The following ZNF184 variants were observed in gnomAD, a reference collection of about 807,000 sequenced individuals.
ZNF184 encodes the protein zinc finger protein 184 (Kruppel-like).
A neutral mutation model predicts 54.4 loss-of-function variants in ZNF184; 16 were observed. That is an observed-to-expected ratio of 0.29 (90% CI 0.20 to 0.45). The LOEUF is 0.45. ZNF184 is among the 20% of genes least tolerant of loss of function. The probability of loss-of-function intolerance (pLI) is 1.00; values close to 1 mark genes in which losing one functional copy is unlikely to be tolerated. For missense variants in ZNF184, 681 were observed against 888.2 expected (o/e 0.77, Z 2.97); for synonymous variants, 254 against 295.3 (o/e 0.86, Z 1.43).
chr6:27,454,681 AT>A (rs1363304500), intron 5 of ZNF184, among the ~76,000 whole-genome samples: 1 of 152,156 alleles, frequency 6.6e-6, no homozygotes, highest in Non-Finnish European at 1.5e-5. Context: ...TGTTATCTAT[AT>A]TGTCATGTCC....
Position 27,453,346 on chromosome 6 carries a change from T to C in ZNF184, c.299-86A>G. 7.7e-7 allele frequency: 1 copy of C among 1,306,134 alleles called. No homozygotes were observed. Among genetic ancestry groups the C allele is most frequent in the Non-Finnish European group, 1.0e-6 (1 of 988,980 alleles). The allele number at this position is 1,306,134 out of a possible 1,614,324, so 80.9% of individuals were successfully genotyped here. ...GGAATAATATAATGATACTGAAAAA[T>C]AAATCTCTCAGAAAATTCTAATGGT... On this transcript the variant is annotated intron_variant, in intron 5 of 5. Transcript: ENST00000683788. This position sits in a 1 kb window ranked among gnomAD's most constrained non-coding sequence, Gnocchi z 4.7.
At chr6:27,457,604 T>C (rs1335907187) in intron 3 of ZNF184, among the ~76,000 whole-genome samples, 195 bp from the exon 4 acceptor site, 1 of 148,872 alleles carries the variant, frequency 6.7e-6, no homozygotes, top group East Asian at 1.9e-4. Context: ...AAACATTCCA[T>C]GTGAAATGCT....
downstream of ZNF184, among the ~76,000 whole-genome samples, chr6:27,448,780 C>G (rs1037832237): frequency 6.6e-5 from 10 of 150,896 alleles, no homozygotes; most frequent in Non-Finnish European, 1.3e-4. Flanking sequence ...TTTTTTCCCC[C>G]ATATCAAGCA....
At chr6:27,431,508 G>A in the ZNF184 span, among the ~76,000 whole-genome samples, 3 of 152,252 alleles carry the variant, frequency 2.0e-5, no homozygotes, top group Non-Finnish European at 4.4e-5. Flanking sequence ...AATTATAGTT[G>A]ACAGGAGGAA....
chr6:27,431,519 A>AT, the ZNF184 span, among the ~76,000 whole-genome samples: 53 of 152,348 alleles, frequency 3.5e-4, no homozygotes, highest in East Asian at 0.01. Context: ...ACAGGAGGAA[A>AT]TGTTAATGGA....
the ZNF184 span, among the ~76,000 whole-genome samples, chr6:27,423,220 C>T: frequency 6.6e-6 from 1 of 152,190 alleles, no homozygotes; most frequent in African/African-American, 2.4e-5. Flanking sequence ...GCCTTAGAAA[C>T]CCCGTGTGAG....
chr6:27,469,881 T>C (rs1763232426), intron 2 of ZNF184, among the ~76,000 whole-genome samples: 1 of 151,972 alleles, frequency 6.6e-6, no homozygotes, highest in Non-Finnish European at 1.5e-5. Context: ...TTGGAAGACA[T>C]AAGACCTTAA....
chr6:27,411,359 A>T, the ZNF184 span, among the ~76,000 whole-genome samples: 1 of 152,158 alleles, frequency 6.6e-6, no homozygotes, highest in East Asian at 1.9e-4. Context: ...AATTTTGGGG[A>T]TGTTCCGAAA....
chr6:27,457,533 C>G, intron 3 of ZNF184, 124 bp from the exon 4 acceptor site: 2 of 1,087,476 alleles, frequency 1.8e-6, no homozygotes, highest in Non-Finnish European at 2.6e-6. Context: ...GACATTTTCT[C>G]CTTTATGAAA....
At chr6:27,468,048 CA>C (rs1561843346) in intron 2 of ZNF184, 128 bp from the exon 3 acceptor site, 14 of 797,604 alleles carry the variant, frequency 1.8e-5, no homozygotes, top group Non-Finnish European at 2.0e-5. Context: ...TTTTAGAATG[CA>C]AAAAAAGTTA....
chr6:27,429,872 G>A, the ZNF184 span, among the ~76,000 whole-genome samples: 2 of 152,214 alleles, frequency 1.3e-5, no homozygotes, highest in East Asian at 3.9e-4. Context: ...AAACATACAA[G>A]CTTATTTAAT....
chr6:27,447,725 C>CA (rs776020536), downstream of ZNF184, among the ~76,000 whole-genome samples: 8 of 152,104 alleles, frequency 5.3e-5, no homozygotes, highest in East Asian at 7.7e-4. Flanking sequence ...AAAAAACAAA[C>CA]AAAAAAACAA....
At chr6:27,439,240 G>A in the ZNF184 span, among the ~76,000 whole-genome samples, 1 of 152,156 alleles carries the variant, frequency 6.6e-6, no homozygotes, top group African/African-American at 2.4e-5. Flanking sequence ...AGTAGCCCCT[G>A]CACTATCTGT....
At chr6:27,446,986 A>T (rs1358206685), downstream of ZNF184, among the ~76,000 whole-genome samples, 1 of 151,884 alleles carries the variant, frequency 6.6e-6, no homozygotes, top group East Asian at 1.9e-4. Context: ...CTCTACTAAA[A>T]ATACAAAAAT....
chr6:27,472,226 C>T lies in ZNF184; in HGVS notation c.7+62G>A, dbSNP rs1763293619. On this transcript the variant is annotated intron_variant, in intron 2 of 5. Transcript: ENST00000683788. This position sits in a 1 kb window ranked among gnomAD's most constrained non-coding sequence, Gnocchi z 4.8. Reference sequence around the variant, plus strand: ...CTGCTCTGATCTCAAGTATTTGATACTCCAGTCATGACTGTTCTCAAGCCT... The same window carrying T: ...CTGCTCTGATCTCAAGTATTTGATATTCCAGTCATGACTGTTCTCAAGCCT... 3 of 1,605,606 alleles carry T rather than the reference C, an allele frequency of 1.9e-6. No homozygotes were observed. The highest frequency in any genetic ancestry group is 1.7e-5 in the Admixed American group (1 of 59,644).
At chr6:27,457,568 C>T (rs1762889793) in intron 3 of ZNF184, among the ~76,000 whole-genome samples, 159 bp from the exon 4 acceptor site, 9 of 152,140 alleles carry the variant, frequency 5.9e-5, no homozygotes, top group Admixed American at 5.9e-4. Context: ...GTGCCTCATC[C>T]ATTGGGTTAT....
chr6:27,412,015 CA>C, the ZNF184 span, among the ~76,000 whole-genome samples: 1 of 152,144 alleles, frequency 6.6e-6, no homozygotes, highest in East Asian at 1.9e-4. Flanking sequence ...GTCACGCCCC[CA>C]GTAGGCTGGC....
In ZNF184 at chr6:27,452,602, G is replaced by A; in HGVS notation, c.957C>T (p.Thr319=). Residue 319 remains threonine, a synonymous_variant, in exon 6 of 6, where the codon ACC becomes ACT. Coordinates refer to ENST00000683788, the MANE Select transcript of ZNF184 (RefSeq NM_001318891.2). The surrounding 1 kb of genome is among the most constrained non-coding windows in gnomAD (Gnocchi z 5.5). ...GAATTCTCTGATGCTGAACAAGATG[G>A]GTCCTCTGACTAAAGGCTTTCCCAC... ...DECGKAFSQR[T]HLVQHQRIHT... is the part of the protein sequence containing the mutation. 6 of 1,612,210 alleles carry A rather than the reference G, an allele frequency of 3.7e-6. No homozygotes were observed. Among genetic ancestry groups the A allele is most frequent in the East Asian group, 2.2e-5 (1 of 44,702 alleles).
the ZNF184 span, among the ~76,000 whole-genome samples, chr6:27,431,415 T>C: frequency 1.3e-5 from 2 of 152,234 alleles, no homozygotes; most frequent in Admixed American, 1.3e-4. Context: ...GATAGATACA[T>C]GTCTCTGACC....
Sources: gnomAD v4.1 joint callset for allele counts (sites outside exome capture counted in the v4.1 genomes callset) on GRCh38, gnomAD v4.1.1 for gene constraint, Gnocchi (gnomAD v3.1) non-coding constraint, MANE v1.5 for transcripts, NCBI Gene and HGNC (gene_info 2026-07-23, HGNC 2026-07-21) for gene names.